Variants in SAMD8 observed in about 807,000 individuals in gnomAD.
The protein encoded by SAMD8 is sterile alpha motif domain containing 8.
Under a neutral mutation model 42.0 loss-of-function variants are expected in SAMD8, and 20 were observed. That is an observed-to-expected ratio of 0.48 (90% CI 0.34 to 0.69). The LOEUF (loss-of-function observed/expected upper bound fraction) is 0.69, where lower values mean the gene tolerates loss of function less well. SAMD8 is among the 30% of genes least tolerant of loss of function. The pLI is 0.01. For synonymous variants in SAMD8, 162 were observed against 173.0 expected, an observed-to-expected ratio of 0.94 and a Z score of 0.50; for missense variants, 328 against 511.6, an observed-to-expected ratio of 0.64 and a Z score of 3.46.
intron 2 of SAMD8, among the ~76,000 whole-genome samples, chr10:75,154,332 C>T (rs1394118614): frequency 6.6e-6 from 1 of 152,176 alleles, no homozygotes; most frequent in Non-Finnish European, 1.5e-5. Flanking sequence ...TATCTTGTCT[C>T]CCCTTCTATA....
At chr10:75,119,778 A>G (rs962700751) in intron 1 of SAMD8, among the ~76,000 whole-genome samples, 3 of 152,190 alleles carry the variant, frequency 2.0e-5, no homozygotes, top group African/African-American at 7.2e-5. Context: ...TATTTTAAAT[A>G]TTGTTAGCTG....
chr10:75,134,629 TC>T (rs34556956), intron 1 of SAMD8, among the ~76,000 whole-genome samples: 18 of 141,992 alleles, frequency 1.3e-4, no homozygotes, highest in East Asian at 4.1e-4. Flanking sequence ...AGTGAGACTT[TC>T]CCCCCCCCAA....
chr10:75,140,480 T>C (rs1355497702), intron 1 of SAMD8, among the ~76,000 whole-genome samples: 1 of 152,196 alleles, frequency 6.6e-6, no homozygotes, highest in African/African-American at 2.4e-5. Context: ...TCCCACCTAA[T>C]CATGGGATAT....
chr10:75,120,346 A>ACCGCAAGCTCCGCCTCC (rs1398695728), intron 1 of SAMD8, among the ~76,000 whole-genome samples: 88 of 152,250 alleles, frequency 5.8e-4, no homozygotes, highest in African/African-American at 2.1e-3. Context: ...ATCTCGGCTC[A>ACCGCAAGCTCCGCCTCC]CCGCAAGCTC....
At chr10:75,120,523 C>G (rs7077745) in intron 1 of SAMD8, among the ~76,000 whole-genome samples, 11,276 of 152,142 alleles carry the variant, frequency 0.074, 530 homozygotes, top group African/African-American at 0.13. Context: ...CCCGCCTCAG[C>G]CTCCCAAAGT....
At chr10:75,106,326 G>A (rs1452891912) in intron 1 of SAMD8, among the ~76,000 whole-genome samples, 1 of 151,646 alleles carries the variant, frequency 6.6e-6, no homozygotes, top group Non-Finnish European at 1.5e-5. Context: ...CGAGAAACAT[G>A]GAGGAACTTG....
intron 1 of SAMD8, among the ~76,000 whole-genome samples, chr10:75,136,077 G>GTT (rs953896295): frequency 6.7e-6 from 1 of 149,344 alleles, no homozygotes; most frequent in Non-Finnish European, 1.5e-5. Flanking sequence ...TTTTCTTTTG[G>GTT]TTTTTTTTTG....
intron 2 of SAMD8, among the ~76,000 whole-genome samples, chr10:75,160,102 T>C (rs1407960462): frequency 5.3e-5 from 8 of 152,214 alleles, no homozygotes; most frequent in African/African-American, 1.4e-4. Context: ...AATCTGGGGC[T>C]TAACTGCCCT....
chr10:75,130,825 A>G (rs1013894021), intron 1 of SAMD8, among the ~76,000 whole-genome samples: 1 of 152,138 alleles, frequency 6.6e-6, no homozygotes, highest in African/African-American at 2.4e-5. Context: ...CTGTGCCTTC[A>G]TTGTCTCGTG....
rs117860648 is a variant in SAMD8 at position 75,174,944 on chromosome 10, G to A, written c.793-1122G>A. Among the ~76,000 whole-genome samples the A allele has an allele frequency of 7.0e-4, 107 of 152,164 alleles. No individual in the cohort carries two copies. The East Asian group carries it at 0.018, about 26-fold the overall frequency. On this transcript the variant is annotated intron_variant, in intron 4 of 5. Coordinates refer to ENST00000542569, the MANE Select transcript of SAMD8 (RefSeq NM_001174156.2). The stretch of plus-strand genomic sequence containing the variant: ...AAGAGTCTGAAGGTAGGTACACAAG[G>A]TCTGGTATGATAATTTTACGAAGTC...
intron 1 of SAMD8, among the ~76,000 whole-genome samples, chr10:75,133,429 A>G (rs546258846): frequency 2.6e-5 from 4 of 152,310 alleles, no homozygotes; most frequent in South Asian, 2.1e-4. Flanking sequence ...TAGAACTACC[A>G]TACGATCCAG....
Position 75,168,504 on chromosome 10 carries a change from T to G in SAMD8, c.675-37T>G, listed in dbSNP as rs574844529. On this transcript the variant is annotated intron_variant, in intron 3 of 5. Transcript: ENST00000542569. ...GCCTGGGGTTTTTTGGTTTGTTTTCTTCTGATCTTTCCCCCTTTTTGGTTG... is the reference window on the plus strand; with the variant it reads ...GCCTGGGGTTTTTTGGTTTGTTTTCGTCTGATCTTTCCCCCTTTTTGGTTG... The G allele has an allele frequency of 2.4e-5, 39 of 1,605,220 alleles. No individual in the cohort carries two copies. The South Asian group carries it at 3.9e-4, about 16-fold the overall frequency.
At chr10:75,111,375 C>A, upstream of SAMD8, 1 of 590,692 alleles carries the variant, frequency 1.7e-6, no homozygotes, top group African/African-American at 1.9e-5. Context: ...GGCTCCTCCG[C>A]GGCAGCATCT....
At chr10:75,151,687 G>C (rs986244751) in intron 2 of SAMD8, among the ~76,000 whole-genome samples, 5 of 149,452 alleles carry the variant, frequency 3.3e-5, no homozygotes, top group South Asian at 4.2e-4. Flanking sequence ...ATAGCTCCTT[G>C]GGTACTTTAG....
At chr10:75,139,444 G>A (rs1839967941) in intron 1 of SAMD8, among the ~76,000 whole-genome samples, 1 of 152,138 alleles carries the variant, frequency 6.6e-6, no homozygotes, top group South Asian at 2.1e-4. Context: ...GTGAACAATT[G>A]TTAACAATGG....
chr10:75,124,814 T>TC (rs954376363), intron 1 of SAMD8, among the ~76,000 whole-genome samples: 16 of 151,760 alleles, frequency 1.1e-4, no homozygotes, highest in Non-Finnish European at 2.1e-4. Flanking sequence ...TTTTTCTTTT[T>TC]TTTTTTTCCT....
chr10:75,105,657 T>TGGGGGCCTCAG (rs1848447495), intron 1 of SAMD8: 1 of 1,547,890 alleles, frequency 6.5e-7, no homozygotes, highest in East Asian at 2.4e-5. Flanking sequence ...CCCTGAGGCC[T>TGGGGGCCTCAG]CACCTGGCCC....
At chr10:75,103,928 G>A (rs1338347137) in intron 1 of SAMD8, 4 of 1,316,364 alleles carry the variant, frequency 3.0e-6, no homozygotes, top group African/African-American at 3.0e-5. Flanking sequence ...GAGAGGGGGT[G>A]TAGGCGCCAG....
chr10:75,103,023 G>A (rs916856717), intron 1 of SAMD8, among the ~76,000 whole-genome samples: 1 of 152,188 alleles, frequency 6.6e-6, no homozygotes. Context: ...TGAGGTGGGA[G>A]AATCACCTGA....
Sources: allele counts gnomAD v4.1 joint callset (sites outside exome capture counted in the v4.1 genomes callset), GRCh38; gene constraint gnomAD v4.1.1; transcripts MANE v1.5; gene names NCBI Gene and HGNC (gene_info 2026-07-23, HGNC 2026-07-21).